STX8: variants seen among roughly 807,000 people sequenced by gnomAD.
STX8 encodes the protein syntaxin-8.
Under a neutral mutation model 37.5 loss-of-function variants are expected in STX8, and 23 were observed. The observed-to-expected ratio is 0.61, with a 90% confidence interval of 0.44 to 0.87. The LOEUF is 0.87. Among genes scored for constraint, STX8 ranks in the 40% least tolerant of loss-of-function variants. STX8 has a pLI of 0.00. For missense variants in STX8, 313 were observed against 284.7 expected (o/e 1.10, Z -0.71); for synonymous variants, 115 against 99.1 (o/e 1.16, Z -0.95).
rs541617389 is a variant in STX8 at position 9,551,892 on chromosome 17, A to AG, written c.212+5541dup. Among the ~76,000 whole-genome samples the AG allele has an allele frequency of 6.6e-3, 1,001 of 151,088 alleles. 13 individuals are homozygous for AG. The highest frequency in any genetic ancestry group is 0.02 in the African/African-American group (822 of 41,188). ...GACCAGTAATATGTCCAAAAAAACT[A>AG]GGGGGGGGTGTAACTTATATAGAAT... On this transcript the variant is annotated intron_variant, in intron 3 of 7. Transcript: ENST00000306357.
chr17:9,471,457 G>T (rs1905864291), intron 6 of STX8, among the ~76,000 whole-genome samples: 1 of 151,974 alleles, frequency 6.6e-6, no homozygotes, highest in African/African-American at 2.4e-5. Flanking sequence ...GGCCCTAACT[G>T]CTTTTCTTAA....
chr17:9,568,360 C>T lies in STX8; in HGVS notation c.117+11G>A. 6.2e-7 allele frequency: 1 copy of T among 1,600,388 alleles called. No individual in the cohort carries two copies. On this transcript the variant is annotated intron_variant, in intron 2 of 7. Coordinates refer to ENST00000306357, the MANE Select transcript of STX8 (RefSeq NM_004853.3). ...ACAAATCATTGGGTACTAATTCCTT[C>T]ATGGTATTACCTTTGGTGCCTTTTC...
At chr17:9,445,182 C>A (rs1904794659) in intron 6 of STX8, among the ~76,000 whole-genome samples, 1 of 152,086 alleles carries the variant, frequency 6.6e-6, no homozygotes, top group Non-Finnish European at 1.5e-5. Flanking sequence ...ACTGAGTTTG[C>A]TTTGTGACTT....
intron 4 of STX8, among the ~76,000 whole-genome samples, chr17:9,532,127 T>G (rs892697478): frequency 6.3e-4 from 95 of 151,896 alleles, no homozygotes; most frequent in African/African-American, 2.1e-3. Context: ...GAAGTCAGGC[T>G]GTTAATAGAG....
At chr17:9,522,672 A>G (rs1597722767) in intron 4 of STX8, among the ~76,000 whole-genome samples, 1 of 151,812 alleles carries the variant, frequency 6.6e-6, no homozygotes, top group Admixed American at 6.6e-5. Context: ...AGATCGCGCC[A>G]CTGCACTCCA....
intron 3 of STX8, chr17:9,556,770 T>TACATAC (rs1906987330): frequency 1.4e-5 from 1 of 72,714 alleles, no homozygotes; most frequent in African/African-American, 7.0e-5. Flanking sequence ...TATATATATA[T>TACATAC]ATATATATAT....
intron 3 of STX8, among the ~76,000 whole-genome samples, chr17:9,550,085 G>A (rs1006358135): frequency 9.2e-5 from 14 of 152,154 alleles, no homozygotes; most frequent in African/African-American, 3.4e-4. Context: ...TTAGCTGGGT[G>A]TGGTGGCACA....
chr17:9,383,884 C>A (rs2142292036), intron 6 of STX8, among the ~76,000 whole-genome samples: 1 of 152,194 alleles, frequency 6.6e-6, no homozygotes, highest in East Asian at 1.9e-4. Flanking sequence ...ATATTACATA[C>A]TCAGAAATAA....
chr17:9,420,825 C>T (rs1391285010), intron 6 of STX8, among the ~76,000 whole-genome samples: 3 of 152,158 alleles, frequency 2.0e-5, no homozygotes, highest in East Asian at 1.9e-4. Context: ...TTTGCACTCT[C>T]GTTTTATCCA....
intron 7 of STX8, among the ~76,000 whole-genome samples, chr17:9,300,506 G>A (rs1908733332): frequency 6.6e-6 from 1 of 151,916 alleles, no homozygotes; most frequent in Admixed American, 6.6e-5. Flanking sequence ...ATGTTTTGTA[G>A]TTTTCTTCGT....
At chr17:9,364,546 T>C (rs553882648) in intron 7 of STX8, among the ~76,000 whole-genome samples, 14 of 152,292 alleles carry the variant, frequency 9.2e-5, no homozygotes, top group African/African-American at 3.4e-4. Context: ...ATATTTTTTT[T>C]TGAGACAGTT....
At chr17:9,434,647 T>C (rs1182618211) in intron 6 of STX8, among the ~76,000 whole-genome samples, 1 of 152,092 alleles carries the variant, frequency 6.6e-6, no homozygotes, top group East Asian at 1.9e-4. Context: ...CCTGGGAGGG[T>C]TCTTGGCTTC....
intron 6 of STX8, among the ~76,000 whole-genome samples, chr17:9,470,500 T>C (rs1409112562): frequency 1.3e-5 from 2 of 152,210 alleles, no homozygotes; most frequent in African/African-American, 4.8e-5. Flanking sequence ...CAGCTAAAGA[T>C]CTTCAATAAT....
At chr17:9,550,529 G>A (rs1447600372) in intron 3 of STX8, among the ~76,000 whole-genome samples, 3 of 152,034 alleles carry the variant, frequency 2.0e-5, no homozygotes, top group Admixed American at 6.6e-5. Context: ...AGCCAAGATC[G>A]TGCCACTGCA....
At chr17:9,353,687 A>T (rs1910784996) in intron 7 of STX8, among the ~76,000 whole-genome samples, 1 of 152,212 alleles carries the variant, frequency 6.6e-6, no homozygotes, top group African/African-American at 2.4e-5. Context: ...AGAATTCAAG[A>T]TTTCTGCAAT....
chr17:9,447,521 C>T (rs930394622), intron 6 of STX8, among the ~76,000 whole-genome samples: 1 of 152,188 alleles, frequency 6.6e-6, no homozygotes, highest in Non-Finnish European at 1.5e-5. Context: ...CTCCCGAGTT[C>T]AAGCAATTCT....
chr17:9,522,573 C>T (rs931933506), intron 4 of STX8, among the ~76,000 whole-genome samples: 7 of 148,606 alleles, frequency 4.7e-5, no homozygotes, highest in African/African-American at 1.7e-4. Flanking sequence ...ATTATCTGGG[C>T]ATGTGGCGGG....
At chr17:9,407,093 T>A (rs1373570847) in intron 6 of STX8, among the ~76,000 whole-genome samples, 1 of 152,148 alleles carries the variant, frequency 6.6e-6, no homozygotes, top group Non-Finnish European at 1.5e-5. Flanking sequence ...CAGGTCAATA[T>A]GAAAGAAATC....
Position 9,545,022 on chromosome 17 carries a change from C to A in STX8, c.323+150G>T, listed in dbSNP as rs567267827. On this transcript the variant is annotated intron_variant, in intron 4 of 7. Coordinates refer to ENST00000306357, the MANE Select transcript of STX8 (RefSeq NM_004853.3). ...ACAAACAAACAAAAATTAACGAAAA[C>A]TAAATTGAGTAGAAAATTATAGTCA... The A allele has an allele frequency of 6.7e-6, 4 of 599,218 alleles. No homozygotes were observed. The East Asian group carries it at 8.5e-5, about 13-fold the overall frequency. 37.1% of individuals were successfully genotyped at this position (599,218 alleles called of 1,614,324 possible). A position where few individuals can be genotyped will look rare whatever the true frequency, so the allele number is the denominator to read the frequency against.
Sources: gnomAD v4.1 joint callset for allele counts (sites outside exome capture counted in the v4.1 genomes callset) on GRCh38, gnomAD v4.1.1 for gene constraint, MANE v1.5 for transcripts, NCBI Gene and HGNC (gene_info 2026-07-23, HGNC 2026-07-21) for gene names.